Variants in COPG2 observed in about 807,000 individuals in gnomAD.
COPG2 encodes the protein coat protein complex I subunit gamma 2.
Under a neutral mutation model 46.3 loss-of-function variants are expected in COPG2, and 37 were observed. The ratio of observed to expected loss-of-function variants is 0.80; its 90% CI spans 0.61 to 1.05. The LOEUF (loss-of-function observed/expected upper bound fraction) is 1.05, where lower values mean the gene tolerates loss of function less well. COPG2 is among the 50% of genes least tolerant of loss of function. COPG2 has a pLI of 0.00. For synonymous variants in COPG2, 159 were observed against 129.7 expected, an observed-to-expected ratio of 1.23 and a Z score of -1.53; for missense variants, 427 against 387.8, an observed-to-expected ratio of 1.10 and a Z score of -0.85.
intron 9 of COPG2, among the ~76,000 whole-genome samples, chr7:130,594,701 T>G (rs1554449487): frequency 6.6e-6 from 1 of 152,164 alleles, no homozygotes; most frequent in African/African-American, 2.4e-5. Flanking sequence ...GCAAAGATTT[T>G]AAATAGGCAT....
chr7:130,563,748 T>C (rs1382741314), intron 10 of COPG2, among the ~76,000 whole-genome samples: 1 of 98,320 alleles, frequency 1.0e-5, no homozygotes, highest in African/African-American at 4.3e-5. Flanking sequence ...AGAGTGAGAC[T>C]CCGTCTCAAA....
chr7:130,563,226 T>C, intron 11 of COPG2, 43 bp downstream of exon 11: 1 of 397,894 alleles, frequency 2.5e-6, no homozygotes, highest in Non-Finnish European at 4.4e-6. Context: ...TGTTTCTCAA[T>C]TAAATACTGA....
intron 9 of COPG2, among the ~76,000 whole-genome samples, chr7:130,584,827 A>G (rs1262753462): frequency 6.6e-6 from 1 of 152,078 alleles, no homozygotes; most frequent in East Asian, 1.9e-4. Context: ...AACAAATGGA[A>G]ACACATCCCA....
chr7:130,615,896 G>C (rs186950982), intron 6 of COPG2, among the ~76,000 whole-genome samples: 1 of 152,274 alleles, frequency 6.6e-6, no homozygotes, highest in East Asian at 1.9e-4. Context: ...TGGTGAGGAG[G>C]AACAATAAAT....
At chr7:130,610,040 A>G (rs782042375) in intron 9 of COPG2, 3 of 516,962 alleles carry the variant, frequency 5.8e-6, no homozygotes, top group East Asian at 5.5e-5. Flanking sequence ...CCTAATTTCT[A>G]TATGTGGGTC....
intron 20 of COPG2, among the ~76,000 whole-genome samples, chr7:130,530,441 G>A (rs978312172): frequency 3.3e-5 from 5 of 152,194 alleles, no homozygotes; most frequent in African/African-American, 1.2e-4. Context: ...CTAAGGGAAG[G>A]CGCTAGCCTG....
chr7:130,641,337 G>A (rs1554457247), intron 5 of COPG2, among the ~76,000 whole-genome samples: 2 of 152,146 alleles, frequency 1.3e-5, no homozygotes, highest in East Asian at 1.9e-4. Flanking sequence ...CAAATATAAA[G>A]GGTATCAAAG....
intron 6 of COPG2, among the ~76,000 whole-genome samples, chr7:130,614,004 G>A (rs1794903098): frequency 6.6e-6 from 1 of 152,182 alleles, no homozygotes; most frequent in Non-Finnish European, 1.5e-5. Flanking sequence ...AAGTTATGAA[G>A]ATTCCTCTAT....
At position 130,547,701 on chromosome 7, in the gene COPG2, G is replaced by A. The variant is rs1198990068; in HGVS notation, c.2122C>T (p.Arg708Cys). The change falls in exon 20 of 24, where the codon CGT becomes TGT. Residue 708 changes from arginine to cysteine, a missense_variant. By Grantham distance (180) the Arg-to-Cys change is radical. Transcript: ENST00000425248. ...NQPGICYTLV[R>C]LPDDDPTAVA... The stretch of plus-strand genomic sequence containing the variant: ...GCTGTAGGGTCATCATCAGGCAAAC[G>A]AACAAGAGTGTAACATATTCCTGGT... 8 of 398,428 alleles carry A rather than the reference G, an allele frequency of 2.0e-5. No individual in the cohort carries two copies. The highest frequency in any genetic ancestry group is 3.5e-5 in the Non-Finnish European group (8 of 226,058). 24.7% of individuals were successfully genotyped at this position (398,428 alleles called of 1,614,324 possible). A position where few individuals can be genotyped will look rare whatever the true frequency, so the allele number is the denominator to read the frequency against.
intron 5 of COPG2, among the ~76,000 whole-genome samples, chr7:130,618,100 C>CAAAAAAAAAAAA (rs10695449): frequency 1.5e-5 from 1 of 64,602 alleles, no homozygotes; most frequent in Non-Finnish European, 2.9e-5. Flanking sequence ...GACCCTGTCT[C>CAAAAAAAAAAAA]AAAAAAAAAA....
At chr7:130,664,491 T>C (rs915992745) in intron 3 of COPG2, among the ~76,000 whole-genome samples, 57 of 152,322 alleles carry the variant, frequency 3.7e-4, no homozygotes, top group African/African-American at 1.3e-3. Flanking sequence ...TACTTGAAAC[T>C]CAGAAAACAC....
chr7:130,634,788 T>G (rs1161297168), intron 5 of COPG2, among the ~76,000 whole-genome samples: 1 of 152,072 alleles, frequency 6.6e-6, no homozygotes, highest in Non-Finnish European at 1.5e-5. Context: ...GTCTTGTGCC[T>G]GTTTTCAAAG....
chr7:130,609,068 A>G (rs797023781), intron 9 of COPG2, among the ~76,000 whole-genome samples: 3 of 152,002 alleles, frequency 2.0e-5, no homozygotes, highest in African/African-American at 7.2e-5. Context: ...TCTGATAGAG[A>G]TGGGGTTTTG....
intron 20 of COPG2, among the ~76,000 whole-genome samples, chr7:130,517,451 G>C (rs1799688751): frequency 6.6e-6 from 1 of 152,206 alleles, no homozygotes; most frequent in Non-Finnish European, 1.5e-5. Context: ...GGAATTAGTA[G>C]ATTAGCTCTT....
At chr7:130,654,529 A>G (rs1312511605) in intron 4 of COPG2, among the ~76,000 whole-genome samples, 3 of 152,250 alleles carry the variant, frequency 2.0e-5, no homozygotes, top group Non-Finnish European at 2.9e-5. Flanking sequence ...ATGATGGCAT[A>G]GAATATATTA....
At chr7:130,659,916 C>G (rs1795942073) in intron 4 of COPG2, among the ~76,000 whole-genome samples, 1 of 152,104 alleles carries the variant, frequency 6.6e-6, no homozygotes, top group African/African-American at 2.4e-5. Flanking sequence ...ACAACAACAA[C>G]ATTGCAAAAG....
chr7:130,516,615 G>A (rs1799680476), intron 20 of COPG2, among the ~76,000 whole-genome samples: 1 of 152,142 alleles, frequency 6.6e-6, no homozygotes, highest in Non-Finnish European at 1.5e-5. Context: ...GAGGTAGGGG[G>A]CAGAACATGC....
chr7:130,506,874 A>C (rs1294824516), intron 23 of COPG2, 68 bp from the exon 24 acceptor site: 1 of 702,128 alleles, frequency 1.4e-6, no homozygotes, highest in Non-Finnish European at 2.6e-6. Context: ...GAAATTTATC[A>C]TGCTATCCCT....
intron 5 of COPG2, among the ~76,000 whole-genome samples, chr7:130,633,208 T>C (rs1467772815): frequency 2.6e-5 from 4 of 152,216 alleles, no homozygotes; most frequent in Non-Finnish European, 1.5e-5. Flanking sequence ...TAAACATACA[T>C]GTGCATGTGT....
Sources: gnomAD v4.1 joint callset for allele counts (sites outside exome capture counted in the v4.1 genomes callset) on GRCh38, gnomAD v4.1.1 for gene constraint, MANE v1.5 for transcripts, NCBI Gene and HGNC (gene_info 2026-07-23, HGNC 2026-07-21) for gene names.